The following TCF7L1 variants were observed in gnomAD, a reference collection of about 807,000 sequenced individuals.
TCF7L1 encodes transcription factor 7 like 1, also known as transcription factor 7-like 1.
Under a neutral mutation model 63.7 loss-of-function variants are expected in TCF7L1, and 18 were observed. That is an observed-to-expected ratio of 0.28 (90% confidence interval 0.20 to 0.42). The LOEUF is 0.42. Among genes scored for constraint, TCF7L1 ranks in the 10% least tolerant of loss-of-function variants. The probability of loss-of-function intolerance (pLI) is 1.00; values close to 1 mark genes in which losing one functional copy is unlikely to be tolerated. For synonymous variants in TCF7L1, 355 were observed against 340.9 expected, an observed-to-expected ratio of 1.04 and a Z score of -0.46; for missense variants, 654 against 779.3, an observed-to-expected ratio of 0.84 and a Z score of 1.91.
At chr2:85,282,843 T>TGTGTGTGTGTGTGTG (rs61230836) in intron 3 of TCF7L1, among the ~76,000 whole-genome samples, 11 of 126,264 alleles carry the variant, frequency 8.7e-5, no homozygotes, top group African/African-American at 1.5e-4. Context: ...TGTGTGTGTG[T>TGTGTGTGTGTGTGTG]TGGGGAAGTA....
Position 85,194,788 on chromosome 2 carries a change from C to T in TCF7L1, c.441+60338C>T, listed in dbSNP as rs7571050. On this transcript the variant is annotated intron_variant, in intron 3 of 11. Coordinates refer to ENST00000282111, the MANE Select transcript of TCF7L1 (RefSeq NM_031283.3). ...CTGGCATGAGATTCAGAGCAGAATC[C>T]CCCTCAAGTTCTTGGATGGTGGCAG... Among the ~76,000 whole-genome samples, 582 of 152,250 alleles carry T rather than the reference C, an allele frequency of 3.8e-3. 3 individuals carry two copies. Among genetic ancestry groups the T allele is most frequent in the African/African-American group, 0.013 (559 of 41,548 alleles).
chr2:85,262,354 G>A, intron 3 of TCF7L1: 3 of 443,878 alleles, frequency 6.8e-6, no homozygotes, highest in Admixed American at 2.8e-5. Flanking sequence ...CGCTGCCTCT[G>A]AGAGCAACTT....
intron 3 of TCF7L1, among the ~76,000 whole-genome samples, chr2:85,178,162 C>T (rs1377732025): frequency 6.6e-6 from 1 of 152,138 alleles, no homozygotes; most frequent in Non-Finnish European, 1.5e-5. Context: ...ACAGTGAGCT[C>T]TTTAGAGGGG....
At chr2:85,240,790 A>C (rs903084652) in intron 3 of TCF7L1, among the ~76,000 whole-genome samples, 6 of 151,946 alleles carry the variant, frequency 3.9e-5, no homozygotes, top group Admixed American at 2.6e-4. Context: ...AAAAAAAAAA[A>C]AAAAATCAGT....
At chr2:85,151,318 A>G (rs150214682) in intron 3 of TCF7L1, among the ~76,000 whole-genome samples, 147 of 152,300 alleles carry the variant, frequency 9.7e-4, no homozygotes, top group African/African-American at 3.3e-3. Context: ...GATATCTTTT[A>G]ACATGTTGCT....
In TCF7L1 at chr2:85,247,954, G is replaced by A. The variant is rs79821637; in HGVS notation, c.442-35541G>A. Among the ~76,000 whole-genome samples, 856 of 152,290 alleles carry A rather than the reference G, an allele frequency of 5.6e-3. 12 individuals are homozygous for A. Among genetic ancestry groups the A allele is most frequent in the African/African-American group, 0.02 (820 of 41,552 alleles). On this transcript the variant is annotated intron_variant, in intron 3 of 11. Coordinates refer to ENST00000282111, the MANE Select transcript of TCF7L1 (RefSeq NM_031283.3). ...AACAGAAGCGAATCTAGGCCAGCAT[G>A]CAGTTAGTTGAGTGTAATGTAGATG...
chr2:85,280,534 G>A (rs10204252), intron 3 of TCF7L1, among the ~76,000 whole-genome samples: 40,643 of 152,070 alleles, frequency 0.27, 5,850 homozygotes, highest in East Asian at 0.57. Context: ...GTGTGTCTTT[G>A]TGGCCCTAAA....
intron 3 of TCF7L1, among the ~76,000 whole-genome samples, chr2:85,239,935 G>A: frequency 9.0e-6 from 1 of 111,108 alleles, no homozygotes; most frequent in Non-Finnish European, 1.7e-5. Flanking sequence ...AACAGAGCGA[G>A]ACTCCATCTA....
chr2:85,208,418 G>A (rs1264243421), intron 3 of TCF7L1, among the ~76,000 whole-genome samples: 2 of 152,144 alleles, frequency 1.3e-5, no homozygotes, highest in Admixed American at 1.3e-4. Context: ...AGGGCACTAT[G>A]AGCAAATAGA....
intron 3 of TCF7L1, among the ~76,000 whole-genome samples, chr2:85,165,361 G>A (rs1187057966): frequency 6.7e-6 from 1 of 148,352 alleles, no homozygotes; most frequent in African/African-American, 2.4e-5. Context: ...AGAAGCTTTT[G>A]AACAAGCCCA....
intron 3 of TCF7L1, among the ~76,000 whole-genome samples, chr2:85,148,867 C>T (rs181710737): frequency 2.6e-5 from 4 of 151,516 alleles, no homozygotes; most frequent in East Asian, 1.9e-4. Context: ...TCTGCCCCCC[C>T]AGGTTCAAGC....
At chr2:85,278,039 A>G (rs915884034) in intron 3 of TCF7L1, among the ~76,000 whole-genome samples, 4 of 152,190 alleles carry the variant, frequency 2.6e-5, no homozygotes, top group African/African-American at 7.2e-5. Flanking sequence ...GCTGTTTTAC[A>G]TCACGAAGAT....
At chr2:85,215,963 G>A (rs578089762) in intron 3 of TCF7L1, among the ~76,000 whole-genome samples, 4 of 152,158 alleles carry the variant, frequency 2.6e-5, no homozygotes, top group African/African-American at 9.7e-5. Context: ...CCAGGTTTTT[G>A]TGGTCAAATT....
intron 3 of TCF7L1, among the ~76,000 whole-genome samples, chr2:85,229,864 C>G (rs1274207250): frequency 6.6e-6 from 1 of 151,976 alleles, no homozygotes; most frequent in African/African-American, 2.4e-5. Context: ...AAAAAATAGC[C>G]GGACGTGGTG....
At chr2:85,212,352 C>T (rs1679574376) in intron 3 of TCF7L1, among the ~76,000 whole-genome samples, 1 of 152,164 alleles carries the variant, frequency 6.6e-6, no homozygotes, top group South Asian at 2.1e-4. Context: ...AGTGGCAGTA[C>T]CTGCGTCCTG....
intron 4 of TCF7L1, among the ~76,000 whole-genome samples, chr2:85,285,450 A>G (rs1681523500): frequency 6.6e-6 from 1 of 152,172 alleles, no homozygotes; most frequent in South Asian, 2.1e-4. Context: ...AGCCATCACC[A>G]GGGAGTCAGG....
intron 3 of TCF7L1, among the ~76,000 whole-genome samples, chr2:85,277,315 T>TATAGTACGGTATAG (rs1681296609): frequency 1.3e-5 from 2 of 151,930 alleles, no homozygotes; most frequent in African/African-American, 2.4e-5. Flanking sequence ...TATAGTACGG[T>TATAGTACGGTATAG]TATAGTATAG....
chr2:85,159,206 G>A (rs1193542653), intron 3 of TCF7L1, among the ~76,000 whole-genome samples: 12 of 152,142 alleles, frequency 7.9e-5, no homozygotes, highest in Admixed American at 7.8e-4. Flanking sequence ...TGCAGTGTCT[G>A]CGGCTTCTTC....
chr2:85,308,876 A>C lies in TCF7L1; in HGVS notation c.1334-153A>C, dbSNP rs781039304. Among the ~76,000 whole-genome samples the C allele has an allele frequency of 3.1e-4, 47 of 152,172 alleles. 1 individual carries two copies. The highest frequency in any genetic ancestry group is 6.8e-3 in the Middle Eastern group (2 of 294). The stretch of plus-strand genomic sequence containing the variant: ...CTGTGCTCTGGGTATTTGTGAATGC[A>C]GTTTCCTAGTCTTGAAAGCCTTGGA... On this transcript the variant is annotated intron_variant, in intron 11 of 11. Coordinates refer to ENST00000282111, the MANE Select transcript of TCF7L1 (RefSeq NM_031283.3).
Sources: allele counts gnomAD v4.1 joint callset (sites outside exome capture counted in the v4.1 genomes callset), GRCh38; gene constraint gnomAD v4.1.1; transcripts MANE v1.5; gene names NCBI Gene and HGNC (gene_info 2026-07-23, HGNC 2026-07-21).